The following ANK3 variants were observed in gnomAD, a reference collection of about 807,000 sequenced individuals.
ANK3 encodes ankyrin 3.
A neutral mutation model predicts 370.9 loss-of-function variants in ANK3; 57 were observed. The observed-to-expected ratio is 0.15, with a 90% confidence interval of 0.12 to 0.19. The LOEUF (loss-of-function observed/expected upper bound fraction) is 0.19, where lower values mean the gene tolerates loss of function less well. Ranked by LOEUF, ANK3 falls within the 10% of genes least tolerant of loss-of-function variation. The pLI is 1.00. For synonymous variants in ANK3, 1,929 were observed against 1,946.3 expected (o/e 0.99, Z 0.23); for missense variants, 4,439 against 5,302.1 (o/e 0.84, Z 5.06).
chr10:60,715,365 G>A (rs2079771145), intron 1 of ANK3, among the ~76,000 whole-genome samples: 1 of 151,846 alleles, frequency 6.6e-6, no homozygotes, highest in South Asian at 2.1e-4. Context: ...TAAATTAAAG[G>A]AACAATGCAT....
chr10:60,379,022 C>T (rs2061189996), intron 1 of ANK3, among the ~76,000 whole-genome samples: 1 of 151,920 alleles, frequency 6.6e-6, no homozygotes, highest in Admixed American at 6.6e-5. Context: ...GCAAAAATCC[C>T]ACACAATCCG....
At chr10:60,116,938 G>A (rs1016830259) in intron 25 of ANK3, among the ~76,000 whole-genome samples, 3 of 152,082 alleles carry the variant, frequency 2.0e-5, no homozygotes, top group South Asian at 4.1e-4. Context: ...TTCAGAATTC[G>A]GAGACAAAGA....
chr10:60,366,257 C>T (rs1016800685), intron 1 of ANK3, among the ~76,000 whole-genome samples: 6 of 151,982 alleles, frequency 3.9e-5, no homozygotes, highest in East Asian at 1.9e-4. Context: ...AGCTTGAACC[C>T]GGGAGGCGGA....
chr10:60,068,965 G>A lies in ANK3; in HGVS notation c.11916C>T (p.Thr3972=). 5 of 1,613,684 alleles carry A rather than the reference G, an allele frequency of 3.1e-6. No individual in the cohort carries two copies. Among genetic ancestry groups the A allele is most frequent in the Non-Finnish European group, 3.4e-6 (4 of 1,179,902 alleles). Reference sequence around the variant, plus strand: ...TGCAGCTGGTGGTGGTGGTAGTGGTGGTAGTGGTGGTGGTGGTGGCAGTGG... The same window carrying A: ...TGCAGCTGGTGGTGGTGGTAGTGGTAGTAGTGGTGGTGGTGGTGGCAGTGG... The part of the protein sequence containing the change: ...TTTTATTTTT[T]TTTTTTSCTV... The change falls in exon 37 of 44, where the codon ACC becomes ACT. Residue 3972 remains threonine (T), a synonymous_variant. Transcript: ENST00000280772.
Position 60,389,815 on chromosome 10 carries a change from G to T in ANK3, c.-277C>A. On this transcript the variant is annotated 5_prime_UTR_variant, in exon 1 of 44. In the 5' UTR this introduces an upstream ATG that the reference lacks. Transcript: ENST00000280772. Reference sequence around the variant, plus strand: ...TGCATTTACCGTAGTGAAGAAGACAGCTGGGACAGAGGAAGCTGTATTATG... The same window carrying T: ...TGCATTTACCGTAGTGAAGAAGACATCTGGGACAGAGGAAGCTGTATTATG... 1 of 1,213,066 alleles carries T rather than the reference G, an allele frequency of 8.2e-7. No individual in the cohort carries two copies. The allele number at this position is 1,213,066 out of a possible 1,614,324, so 75.1% of individuals were successfully genotyped here.
chr10:60,601,260 G>C (rs569828377), intron 2 of ANK3, among the ~76,000 whole-genome samples: 3 of 150,902 alleles, frequency 2.0e-5, no homozygotes, highest in South Asian at 4.2e-4. Context: ...CCCACACCTT[G>C]AATATGGGCT....
chr10:60,270,046 C>A, intron 5 of ANK3, 85 bp downstream of exon 5: 1 of 760,288 alleles, frequency 1.3e-6, no homozygotes, highest in South Asian at 2.9e-5. Context: ...AATTGAAATA[C>A]TAGTAGGACA....
chr10:60,076,312 G>C lies in ANK3; in HGVS notation c.4569C>G (p.Ser1523=). ...VPGPAKSGFT[S]LSSSSSNTPS... ...GCGTATTAGAGGAAGAACTTGATAA[G>C]GAAGTGAAGCCTGACTTGGCTGGCC... Residue 1523 remains serine, a synonymous_variant, in exon 37 of 44, where the codon TCC becomes TCG. Transcript: ENST00000280772. 6.2e-7 allele frequency: 1 copy of C among 1,614,112 alleles called. No homozygotes were observed. The highest frequency in any genetic ancestry group is 2.2e-5 in the East Asian group (1 of 44,860).
chr10:60,708,330 A>C (rs1388227074), intron 1 of ANK3, among the ~76,000 whole-genome samples: 3 of 152,204 alleles, frequency 2.0e-5, no homozygotes, highest in African/African-American at 7.2e-5. Context: ...AATGCATTCC[A>C]TGTTTTTGGA....
At chr10:60,187,878 G>A (rs767396197) in intron 16 of ANK3, among the ~76,000 whole-genome samples, 1 of 152,146 alleles carries the variant, frequency 6.6e-6, no homozygotes, top group Non-Finnish European at 1.5e-5. Context: ...ATGCCCAGCA[G>A]CCAGCATCTG....
At chr10:60,133,959 A>G (rs191629439) in intron 25 of ANK3, among the ~76,000 whole-genome samples, 1 of 152,256 alleles carries the variant, frequency 6.6e-6, no homozygotes, top group Admixed American at 6.5e-5. Context: ...CAGCAACTTC[A>G]GCTACCAATG....
chr10:60,118,024 A>AAATGG (rs1469838730), intron 25 of ANK3, among the ~76,000 whole-genome samples: 1 of 152,226 alleles, frequency 6.6e-6, no homozygotes, highest in East Asian at 1.9e-4. Flanking sequence ...ATAATTCCTG[A>AAATGG]AATGGAGAAA....
intron 2 of ANK3, among the ~76,000 whole-genome samples, chr10:60,534,015 T>G (rs918021561): frequency 3.3e-5 from 5 of 152,150 alleles, no homozygotes; most frequent in Non-Finnish European, 7.4e-5. Flanking sequence ...CACCTGAGGA[T>G]TTATGACACA....
intron 8 of ANK3, among the ~76,000 whole-genome samples, chr10:60,225,926 G>A (rs1405332355): frequency 6.7e-6 from 1 of 149,792 alleles, no homozygotes; most frequent in Non-Finnish European, 1.5e-5. Context: ...TGGGGGGATA[G>A]TTGTTTTATA....
chr10:60,394,275 T>G (rs2063170001), upstream of ANK3, among the ~76,000 whole-genome samples: 1 of 151,482 alleles, frequency 6.6e-6, no homozygotes, highest in Non-Finnish European at 1.5e-5. Context: ...AAAACACACC[T>G]GGAAAATTTT....
rs778890531 is a variant in ANK3, at chr10:60,074,863, C to T, written c.6018G>A (p.Ala2006=). The T allele has an allele frequency of 9.9e-6, 16 of 1,613,580 alleles. No individual in the cohort carries two copies. Among genetic ancestry groups the T allele is most frequent in the South Asian group, 7.7e-5 (7 of 90,924 alleles). ...TCTCTGGCAGAGATGGAGACTGGCT[C>T]GCAGCAGCTTGTTGTCTGGCTTCCC... ...EIREARQQAA[A]SQSPSLPERV... The change falls in exon 37 of 44, where the codon GCG becomes GCA. Residue 2006 remains alanine, a synonymous_variant. Coordinates refer to ENST00000280772, the MANE Select transcript of ANK3 (RefSeq NM_020987.5).
At chr10:60,645,619 G>A (rs769686646) in intron 1 of ANK3, among the ~76,000 whole-genome samples, 6 of 152,050 alleles carry the variant, frequency 3.9e-5, no homozygotes, top group East Asian at 1.9e-4. Flanking sequence ...CAACTACTAC[G>A]GAGGCTGAGG....
chr10:60,437,686 T>C (rs2064192520), intron 2 of ANK3, among the ~76,000 whole-genome samples: 2 of 152,178 alleles, frequency 1.3e-5, no homozygotes, highest in Non-Finnish European at 2.9e-5. Context: ...ATTCCTACAG[T>C]GTGCATAAGG....
In ANK3 at chr10:60,347,043, A is replaced by C. The variant is rs1010169501; in HGVS notation, c.114+42382T>G. 3.1e-4 allele frequency among the ~76,000 whole-genome samples: 27 copies of C among 86,294 alleles called. 1 individual carries two copies. The highest frequency in any genetic ancestry group is 4.9e-5 in the Non-Finnish European group (2 of 40,544). The allele number at this position is 86,294 out of a possible 152,430, so 56.6% of individuals were successfully genotyped here. A position where few individuals can be genotyped will look rare whatever the true frequency, so the allele number is the denominator to read the frequency against. ...TATGTATGTACAGTACTGCATTAGC[A>C]AGAAATATATGATATATATATATAT... On this transcript the variant is annotated intron_variant, in intron 1 of 43. Coordinates refer to ENST00000280772, the MANE Select transcript of ANK3 (RefSeq NM_020987.5).
Sources: allele counts gnomAD v4.1 joint callset (sites outside exome capture counted in the v4.1 genomes callset), GRCh38; gene constraint gnomAD v4.1.1; transcripts MANE v1.5; gene names NCBI Gene and HGNC (gene_info 2026-07-23, HGNC 2026-07-21).